Variants in AGBL4 observed in about 807,000 individuals in gnomAD.
AGBL4 encodes the protein cytosolic carboxypeptidase 6.
AGBL4 carries 58 observed loss-of-function variants against 66.4 expected under a neutral mutation model. The observed-to-expected ratio is 0.87, with a 90% CI of 0.71 to 1.09. The LOEUF is 1.09. AGBL4 is among the 50% of genes least tolerant of loss of function. The pLI is 0.00. For missense variants in AGBL4, 579 were observed against 631.0 expected, an observed-to-expected ratio of 0.92 and a Z score of 0.88; for synonymous variants, 234 against 222.9, an observed-to-expected ratio of 1.05 and a Z score of -0.44.
At chr1:49,700,952 G>A (rs530406200) in intron 2 of AGBL4, among the ~76,000 whole-genome samples, 13 of 152,092 alleles carry the variant, frequency 8.5e-5, no homozygotes, top group African/African-American at 3.1e-4. Flanking sequence ...TTATCTGAAT[G>A]TACCCTAAAA....
At chr1:50,009,119 G>A (rs1661344668) in intron 1 of AGBL4, among the ~76,000 whole-genome samples, 1 of 152,016 alleles carries the variant, frequency 6.6e-6, no homozygotes, top group Non-Finnish European at 1.5e-5. Context: ...GAGGAGAAGG[G>A]AATACTTCTA....
chr1:49,614,839 A>AT (rs1645222129), intron 3 of AGBL4, among the ~76,000 whole-genome samples: 1 of 152,006 alleles, frequency 6.6e-6, no homozygotes, highest in Non-Finnish European at 1.5e-5. Flanking sequence ...TTTATATTAC[A>AT]TTTTTTTCTG....
intron 3 of AGBL4, among the ~76,000 whole-genome samples, chr1:49,485,947 G>T (rs1647057363): frequency 6.6e-6 from 1 of 151,952 alleles, no homozygotes; most frequent in African/African-American, 2.4e-5. Context: ...ATTTCATTGT[G>T]CATTTTTAAA....
At chr1:49,273,498 C>T (rs1049623392) in intron 3 of AGBL4, among the ~76,000 whole-genome samples, 6 of 149,796 alleles carry the variant, frequency 4.0e-5, no homozygotes, top group Non-Finnish European at 5.9e-5. Context: ...AGAGGTTATA[C>T]AAGAGTTTAT....
At chr1:49,935,232 T>G (rs1193920583) in intron 1 of AGBL4, among the ~76,000 whole-genome samples, 1 of 152,204 alleles carries the variant, frequency 6.6e-6, no homozygotes, top group Admixed American at 6.5e-5. Context: ...CGCTGATTGC[T>G]AGCACAGCAG....
chr1:48,937,042 C>T (rs1655538888), intron 5 of AGBL4, among the ~76,000 whole-genome samples: 1 of 152,196 alleles, frequency 6.6e-6, no homozygotes. Context: ...CAATCTTCTT[C>T]CTTGACAGAC....
At chr1:48,613,026 C>T (rs1025349986) in intron 9 of AGBL4, among the ~76,000 whole-genome samples, 2 of 151,804 alleles carry the variant, frequency 1.3e-5, no homozygotes, top group East Asian at 1.9e-4. Context: ...CCCAGCTACT[C>T]GGGAGGCTGA....
chr1:49,556,217 A>C lies in AGBL4; in HGVS notation c.282+141096T>G, dbSNP rs1313671704. Among the ~76,000 whole-genome samples, 6 of 152,282 alleles carry C rather than the reference A, an allele frequency of 3.9e-5. 1 individual carries two copies. Among genetic ancestry groups the C allele is most frequent in the African/African-American group, 9.6e-5 (4 of 41,580 alleles). ...TGCAGCCATAAAAAATGATGAGTTCATGTCCTTTGTAGGGACATGGATGAA... is the reference window on the plus strand; with the variant it reads ...TGCAGCCATAAAAAATGATGAGTTCCTGTCCTTTGTAGGGACATGGATGAA... On this transcript the variant is annotated intron_variant, in intron 3 of 13. Coordinates refer to ENST00000371839, the MANE Select transcript of AGBL4 (RefSeq NM_032785.4).
intron 3 of AGBL4, among the ~76,000 whole-genome samples, chr1:49,556,251 C>T (rs972254896): frequency 5.3e-5 from 8 of 151,908 alleles, no homozygotes; most frequent in African/African-American, 1.7e-4. Context: ...AAGCTGGAAA[C>T]CATCATTCTC....
intron 8 of AGBL4, chr1:48,647,575 G>T (rs17373849): frequency 4.5e-6 from 2 of 448,454 alleles, no homozygotes; most frequent in African/African-American, 2.0e-5. Flanking sequence ...TTACTTATAC[G>T]TGGCTCTATG....
rs4926530 is a variant in AGBL4, at chr1:48,736,568, T to C, written c.635-73327A>G. On this transcript the variant is annotated intron_variant, in intron 6 of 13. Coordinates refer to ENST00000371839, the MANE Select transcript of AGBL4 (RefSeq NM_032785.4). The surrounding 1 kb of genome is among the most constrained non-coding windows in gnomAD (Gnocchi z 4.0). The stretch of plus-strand genomic sequence containing the variant: ...CTGTAAGAGATTCATGTCATAAATA[T>C]GAAATTAACTCTCTTTAAGGGTAAT... 627,683 of 868,642 alleles carry C rather than the reference T, an allele frequency of 0.72. 232,493 individuals are homozygous for C. The highest frequency in any genetic ancestry group is 0.78 in the Middle Eastern group (2,257 of 2,880). The allele number at this position is 868,642 out of a possible 1,614,324, so 53.8% of individuals were successfully genotyped here.
chr1:49,892,213 C>A (rs1037346039), intron 1 of AGBL4, among the ~76,000 whole-genome samples: 1 of 152,206 alleles, frequency 6.6e-6, no homozygotes, highest in Non-Finnish European at 1.5e-5. Flanking sequence ...CAATTAATAT[C>A]TTTTAATAAC....
At chr1:49,151,802 T>TTA (rs1646341501) in intron 4 of AGBL4, among the ~76,000 whole-genome samples, 1 of 152,178 alleles carries the variant, frequency 6.6e-6, no homozygotes, top group Non-Finnish European at 1.5e-5. Context: ...TAATTTATTT[T>TTA]TAATCCAGTA....
intron 6 of AGBL4, among the ~76,000 whole-genome samples, chr1:48,758,638 G>GT (rs1482424114): frequency 6.6e-6 from 1 of 152,200 alleles, no homozygotes; most frequent in Non-Finnish European, 1.5e-5. Context: ...GGACTGAGCA[G>GT]TGACAAATAT....
At chr1:49,846,330 G>A in intron 2 of AGBL4, 2 of 1,531,636 alleles carry the variant, frequency 1.3e-6, no homozygotes, top group Non-Finnish European at 9.0e-7. Flanking sequence ...CCATATGCAT[G>A]CAGGGACTAT....
At chr1:49,948,580 T>G (rs12142627) in intron 1 of AGBL4, among the ~76,000 whole-genome samples, 87,701 of 126,602 alleles carry the variant, frequency 0.69, 32,688 homozygotes, top group Non-Finnish European at 0.83. Context: ...TATATATATA[T>G]ATAGAGAGAG....
At chr1:49,031,586 T>A (rs1276877057) in intron 5 of AGBL4, among the ~76,000 whole-genome samples, 1 of 152,084 alleles carries the variant, frequency 6.6e-6, no homozygotes, top group East Asian at 1.9e-4. Context: ...AGTTTAAGAA[T>A]GGGCAAAGGA....
chr1:48,538,360 C>T (rs888774240), intron 12 of AGBL4, among the ~76,000 whole-genome samples: 1 of 152,144 alleles, frequency 6.6e-6, no homozygotes, highest in Non-Finnish European at 1.5e-5. Flanking sequence ...AAGCTTGTAT[C>T]CATTCTACAA....
chr1:49,485,621 A>C (rs1647050828), intron 3 of AGBL4, among the ~76,000 whole-genome samples: 2 of 151,864 alleles, frequency 1.3e-5, no homozygotes, highest in South Asian at 4.2e-4. Context: ...AATAATAAAA[A>C]GAAACAGGTG....
Sources: allele counts gnomAD v4.1 joint callset (sites outside exome capture counted in the v4.1 genomes callset), GRCh38; gene constraint gnomAD v4.1.1; non-coding constraint Gnocchi (gnomAD v3.1); transcripts MANE v1.5; gene names NCBI Gene and HGNC (gene_info 2026-07-23, HGNC 2026-07-21).